NCOA3: variants seen among roughly 807,000 people sequenced by gnomAD.
NCOA3 encodes CBP-interacting protein.
Under a neutral mutation model 158.8 loss-of-function variants are expected in NCOA3, and 51 were observed. The ratio of observed to expected loss-of-function variants is 0.32; its 90% confidence interval spans 0.26 to 0.41. The LOEUF (loss-of-function observed/expected upper bound fraction) is 0.41. Among genes scored for constraint, NCOA3 ranks in the 10% least tolerant of loss-of-function variants. NCOA3 has a pLI of 1.00. For synonymous variants in NCOA3, 537 were observed against 592.4 expected (o/e 0.91, Z 1.36); for missense variants, 1,510 against 1,746.6 (o/e 0.86, Z 2.41).
chr20:47,628,732 A>G (rs1252902784), intron 8 of NCOA3: 1 of 152,094 alleles, frequency 6.6e-6, no homozygotes, highest in Non-Finnish European at 1.5e-5. Context: ...CTTGACGTCA[A>G]CCTGAGTTTC....
intron 2 of NCOA3, among the ~76,000 whole-genome samples, chr20:47,617,016 G>A (rs1429374909): frequency 3.9e-5 from 6 of 152,048 alleles, no homozygotes; most frequent in Non-Finnish European, 5.9e-5. Flanking sequence ...GTGCAGTGGC[G>A]CGGTCTTGGC....
chr20:47,577,843 G>C (rs1305467991), intron 1 of NCOA3, among the ~76,000 whole-genome samples: 2 of 152,186 alleles, frequency 1.3e-5, no homozygotes, highest in African/African-American at 2.4e-5. Context: ...GGCTGATTCC[G>C]TATAGAACTA....
chr20:47,610,382 G>A (rs1000119062), intron 2 of NCOA3, among the ~76,000 whole-genome samples: 1 of 152,064 alleles, frequency 6.6e-6, no homozygotes, highest in Non-Finnish European at 1.5e-5. Context: ...GCCATGCCCA[G>A]CTAATTTTTG....
intron 2 of NCOA3, among the ~76,000 whole-genome samples, chr20:47,612,445 C>G (rs1000310946): frequency 6.6e-6 from 1 of 151,372 alleles, no homozygotes; most frequent in Admixed American, 6.6e-5. Flanking sequence ...GATGGTTTTA[C>G]CAGAGGTGAC....
At chr20:47,596,343 C>A (rs1019219397) in intron 2 of NCOA3, among the ~76,000 whole-genome samples, 3 of 152,100 alleles carry the variant, frequency 2.0e-5, no homozygotes, top group Non-Finnish European at 4.4e-5. Flanking sequence ...GTGTATAATT[C>A]ATTTTTACCA....
At chr20:47,520,269 T>C (rs909409772) in intron 1 of NCOA3, among the ~76,000 whole-genome samples, 11 of 145,238 alleles carry the variant, frequency 7.6e-5, no homozygotes, top group African/African-American at 3.0e-4. Context: ...GTTTTCTCTT[T>C]ACTGCTTCTC....
At chr20:47,502,317 G>C (rs970730468) in intron 1 of NCOA3, among the ~76,000 whole-genome samples, 1 of 152,122 alleles carries the variant, frequency 6.6e-6, no homozygotes, top group African/African-American at 2.4e-5. Context: ...GTTTGCGGGG[G>C]GACTGCAGGG....
chr20:47,601,606 C>A lies in NCOA3; in HGVS notation c.-20+18345C>A, dbSNP rs148402071. Among the ~76,000 whole-genome samples the A allele has an allele frequency of 8.5e-5, 13 of 152,274 alleles. No homozygotes were observed. In the East Asian group the frequency reaches 2.5e-3, roughly 29 times the overall value. On this transcript the variant is annotated intron_variant, in intron 2 of 22. Coordinates refer to ENST00000371998, the MANE Select transcript of NCOA3 (RefSeq NM_181659.3). ...GTTTGTATCACTGTTATAAATGAGC[C>A]TATCTCATGTGCCAAACTTTTAGAG...
chr20:47,648,317 C>T lies in NCOA3; in HGVS notation c.3547-688C>T, dbSNP rs368285389. On this transcript the variant is annotated intron_variant, in intron 18 of 22. Transcript: ENST00000371998. ...TTACTGTATTCATTTTACTTTCTGC[C>T]GTTTCTTCACTAAAAGTCATTTAGG... Among the ~76,000 whole-genome samples, 11 of 152,116 alleles carry T rather than the reference C, an allele frequency of 7.2e-5. 1 individual carries two copies. Among genetic ancestry groups the T allele is most frequent in the African/African-American group, 1.2e-4 (5 of 41,484 alleles).
Position 47,639,049 on chromosome 20 carries a change from T to C in NCOA3, c.2554T>C (p.Tyr852His). Residue 852 changes from tyrosine to histidine, a missense_variant, in exon 14 of 23, where the codon TAT becomes CAT. This residue lies in a region of NCOA3 where 1,017 missense variants were observed against 1,098.3 expected (regional missense o/e 0.93). Transcript: ENST00000371998. ...GTCTGTGCAGTCTATTCGTCCTCCATATAACCGAGCAGTGTCTCTGGATAG... is the reference window on the plus strand; with the variant it reads ...GTCTGTGCAGTCTATTCGTCCTCCACATAACCGAGCAGTGTCTCTGGATAG... ...SQSVQSIRPP[Y>H]NRAVSLDSPV... 6.2e-7 allele frequency: 1 copy of C among 1,614,146 alleles called. No homozygotes were observed. The highest frequency in any genetic ancestry group is 8.5e-7 in the Non-Finnish European group (1 of 1,180,010).
Position 47,653,604 on chromosome 20 carries a change from G to T in NCOA3, c.*187G>T. The T allele has an allele frequency of 4.3e-6, 3 of 695,268 alleles. No homozygotes were observed. The highest frequency in any genetic ancestry group is 7.4e-6 in the Non-Finnish European group (3 of 406,588). 43.1% of individuals were successfully genotyped at this position (695,268 alleles called of 1,614,324 possible). A position where few individuals can be genotyped will look rare whatever the true frequency, so the allele number is the denominator to read the frequency against. On this transcript the variant is annotated 3_prime_UTR_variant, in exon 23 of 23. Coordinates refer to ENST00000371998, the MANE Select transcript of NCOA3 (RefSeq NM_181659.3). Reference sequence around the variant, plus strand: ...TTTTAAGCCGAAGGGCAATATCTACGTGTTTTTCCCCCCTCCTTCTGCTGT... The same window carrying T: ...TTTTAAGCCGAAGGGCAATATCTACTTGTTTTTCCCCCCTCCTTCTGCTGT...
Position 47,647,268 on chromosome 20 carries a change from C to T in NCOA3, c.3448C>T (p.Leu1150Phe), listed in dbSNP as rs766130780. The T allele has an allele frequency of 1.2e-6, 2 of 1,614,188 alleles. No individual in the cohort carries two copies. The highest frequency in any genetic ancestry group is 2.2e-5 in the East Asian group (1 of 44,878). The change falls in exon 18 of 23, where the codon CTC becomes TTC. Residue 1150 changes from leucine (L) to phenylalanine (F), a missense_variant. Transcript: ENST00000371998. ...GATGAACCAGCAAGGCAATTTTCCT[C>T]TCCAAGGAATGCACCCACGAGCCAA... ...NQMNQQGNFP[L>F]QGMHPRANIM...
rs1449188079 is a variant in NCOA3 at position 47,592,299 on chromosome 20, C to A, written c.-20+9038C>A. The stretch of plus-strand genomic sequence containing the variant: ...ACCTCAGGTGATCCATCTGCCCCAG[C>A]CTCCCAAAGTGCTGGGATTACAGGT... On this transcript the variant is annotated intron_variant, in intron 2 of 22. Coordinates refer to ENST00000371998, the MANE Select transcript of NCOA3 (RefSeq NM_181659.3). Among the ~76,000 whole-genome samples the A allele has an allele frequency of 2.6e-5, 4 of 152,322 alleles. No individual in the cohort carries two copies. The East Asian group carries it at 7.7e-4, about 29-fold the overall frequency.
At chr20:47,534,574 C>T (rs912107537) in intron 1 of NCOA3, among the ~76,000 whole-genome samples, 5 of 152,074 alleles carry the variant, frequency 3.3e-5, no homozygotes. Flanking sequence ...TATGAAAAAA[C>T]CTCAAAGTAA....
At position 47,647,356 on chromosome 20, in the gene NCOA3, A is replaced by G; in HGVS notation, c.3536A>G (p.Gln1179Arg). Residue 1179 changes from glutamine (Q) to arginine (R), a missense_variant, in exon 18 of 23, where the codon CAG (glutamine) becomes CGG (arginine). Physicochemically the swap from Gln to Arg is conservative, Grantham distance 43 (BLOSUM62 1). Coordinates refer to ENST00000371998, the MANE Select transcript of NCOA3 (RefSeq NM_181659.3). ...AGAATGCAGCTTCAGCAGAGGCTGC[A>G]GGGCCAGCAGGTAACCAGTCATGTG... ...QLRMQLQQRLQGQQFLNQSRQ... is the reference protein window; with the variant it reads ...QLRMQLQQRLRGQQFLNQSRQ... 6.2e-7 allele frequency: 1 copy of G among 1,613,746 alleles called. No homozygotes were observed. The highest frequency in any genetic ancestry group is 8.5e-7 in the Non-Finnish European group (1 of 1,179,720).
At chr20:47,603,357 A>G (rs957101230) in intron 2 of NCOA3, among the ~76,000 whole-genome samples, 8 of 152,276 alleles carry the variant, frequency 5.3e-5, no homozygotes, top group African/African-American at 1.7e-4. Flanking sequence ...CCCTTTTGGG[A>G]GGAGGAGCAT....
intron 1 of NCOA3, among the ~76,000 whole-genome samples, chr20:47,580,573 C>CA (rs2085437121): frequency 6.6e-6 from 1 of 151,882 alleles, no homozygotes; most frequent in Non-Finnish European, 1.5e-5. Flanking sequence ...CCCATCCCCC[C>CA]AAAAAATCCT....
intron 1 of NCOA3, among the ~76,000 whole-genome samples, chr20:47,558,290 C>T (rs1405362827): frequency 8.2e-6 from 1 of 122,404 alleles, no homozygotes; most frequent in Non-Finnish European, 1.6e-5. Context: ...CCATGTTGGT[C>T]AGGCTGGTCT....
chr20:47,636,820 T>C, intron 12 of NCOA3, 58 bp downstream of exon 12: 3 of 1,447,580 alleles, frequency 2.1e-6, no homozygotes, highest in Non-Finnish European at 1.9e-6. Flanking sequence ...TGTTAGATAA[T>C]GTGATATAAA....
Sources: gnomAD v4.1 joint callset for allele counts (sites outside exome capture counted in the v4.1 genomes callset) on GRCh38, gnomAD v4.1.1 for gene constraint, gnomAD v4.1.1 regional missense constraint, MANE v1.5 for transcripts, NCBI Gene and HGNC (gene_info 2026-07-23, HGNC 2026-07-21) for gene names.